ARID1B: variants seen among roughly 807,000 people sequenced by gnomAD.
The protein encoded by ARID1B is AT-rich interactive domain-containing protein 1B.
A neutral mutation model predicts 212.3 loss-of-function variants in ARID1B; 30 were observed. That is an observed-to-expected ratio of 0.14 (90% CI 0.11 to 0.19). The LOEUF (loss-of-function observed/expected upper bound fraction) is 0.19. Among genes scored for constraint, ARID1B ranks in the 10% least tolerant of loss-of-function variants. The pLI is 1.00. For synonymous variants in ARID1B, 1,402 were observed against 1,301.7 expected (o/e 1.08, Z -1.66); for missense variants, 2,891 against 3,204.0 (o/e 0.90, Z 2.36).
intron 3 of ARID1B, among the ~76,000 whole-genome samples, chr6:156,927,698 G>A (rs1336027803): frequency 2.6e-5 from 4 of 152,328 alleles, no homozygotes; most frequent in Middle Eastern, 3.4e-3. Flanking sequence ...TCTTGGATGT[G>A]TGCCCAAGTT....
At chr6:156,977,807 G>C (rs1043372408) in intron 4 of ARID1B, among the ~76,000 whole-genome samples, 10 of 152,060 alleles carry the variant, frequency 6.6e-5, no homozygotes, top group African/African-American at 2.4e-4. Context: ...AAACATCCTT[G>C]AACTTTAGTC....
At chr6:156,797,855 TAGGG>T (rs1171310820) in intron 1 of ARID1B, among the ~76,000 whole-genome samples, 3 of 152,114 alleles carry the variant, frequency 2.0e-5, no homozygotes. Flanking sequence ...CTGGGCGTTC[TAGGG>T]GGCACCAACC....
chr6:157,177,939 G>C (rs1454881903), intron 11 of ARID1B, among the ~76,000 whole-genome samples: 1 of 152,174 alleles, frequency 6.6e-6, no homozygotes, highest in African/African-American at 2.4e-5. Context: ...CTATGAACAA[G>C]GACAGTATGT....
At chr6:157,126,332 A>G (rs1347058643) in intron 6 of ARID1B, among the ~76,000 whole-genome samples, 1 of 152,184 alleles carries the variant, frequency 6.6e-6, no homozygotes, top group African/African-American at 2.4e-5. Context: ...AGCGAATGGG[A>G]GACGCAGCCT....
chr6:156,945,039 C>T (rs1792974874), intron 4 of ARID1B, among the ~76,000 whole-genome samples: 1 of 150,388 alleles, frequency 6.6e-6, no homozygotes, highest in Non-Finnish European at 1.5e-5. Context: ...TCTCCTGCCT[C>T]AGCCTCCCGA....
chr6:157,086,583 T>G (rs1784984232), intron 5 of ARID1B, among the ~76,000 whole-genome samples: 1 of 152,232 alleles, frequency 6.6e-6, no homozygotes, highest in African/African-American at 2.4e-5. Flanking sequence ...TATAATGCTT[T>G]TAAATTTTAA....
Position 156,835,304 on chromosome 6 carries a change from T to A in ARID1B, c.1986+5883T>A, listed in dbSNP as rs868111530. The stretch of plus-strand genomic sequence containing the variant: ...GTAAATTCCTATAATACCTAACTGG[T>A]TTTGTGTACTTTTTATATTGTATTT... On this transcript the variant is annotated intron_variant, in intron 2 of 19. Transcript: ENST00000636930. Among the ~76,000 whole-genome samples the A allele has an allele frequency of 5.9e-5, 9 of 151,488 alleles. No homozygotes were observed. In the South Asian group the frequency reaches 1.9e-3, roughly 32 times the overall value.
intron 9 of ARID1B, among the ~76,000 whole-genome samples, chr6:157,172,023 C>G (rs1374564940): frequency 1.3e-5 from 2 of 152,248 alleles, no homozygotes; most frequent in African/African-American, 4.8e-5. Context: ...GTGCCCATGA[C>G]TTTACCACTT....
chr6:156,854,260 G>T (rs955485982), intron 2 of ARID1B, among the ~76,000 whole-genome samples: 1 of 152,172 alleles, frequency 6.6e-6, no homozygotes, highest in Non-Finnish European at 1.5e-5. Flanking sequence ...TTCTGGCAGG[G>T]GGCACTAAGG....
intron 2 of ARID1B, among the ~76,000 whole-genome samples, chr6:156,892,226 T>A (rs577878178): frequency 2.0e-4 from 30 of 152,134 alleles, no homozygotes; most frequent in South Asian, 8.3e-4. Context: ...TAAAGTAGAA[T>A]TTTGGGTTAA....
At chr6:156,851,981 C>T (rs1244938715) in intron 2 of ARID1B, among the ~76,000 whole-genome samples, 2 of 152,176 alleles carry the variant, frequency 1.3e-5, no homozygotes, top group Admixed American at 1.3e-4. Context: ...GGGATGCTTT[C>T]AGTACAAATA....
chr6:156,837,367 T>C (rs1172707224), intron 2 of ARID1B, among the ~76,000 whole-genome samples: 6 of 152,346 alleles, frequency 3.9e-5, no homozygotes, highest in African/African-American at 1.4e-4. Flanking sequence ...AACAAGTATA[T>C]ATTGAACAAC....
intron 8 of ARID1B, among the ~76,000 whole-genome samples, chr6:157,160,995 GT>G: frequency 6.6e-6 from 1 of 152,310 alleles, no homozygotes. Context: ...CTTTGGTTGT[GT>G]TTGTTTTTAG....
At chr6:156,897,337 G>A (rs1011245085) in intron 2 of ARID1B, among the ~76,000 whole-genome samples, 11 of 150,072 alleles carry the variant, frequency 7.3e-5, no homozygotes, top group Admixed American at 2.0e-4. Flanking sequence ...GCACTGGAGC[G>A]ATCTCAGCTC....
chr6:157,154,364 T>G (rs1385558681), intron 8 of ARID1B, among the ~76,000 whole-genome samples: 1 of 152,168 alleles, frequency 6.6e-6, no homozygotes, highest in East Asian at 1.9e-4. Context: ...AATACTGTGT[T>G]CATAAGAAGA....
rs925851607 is a variant in ARID1B, at chr6:156,919,152, C to G, written c.2137-16314C>G. On this transcript the variant is annotated intron_variant, in intron 3 of 19. Transcript: ENST00000636930. ...ATCAGGGTGAATCTGTAGTTAGTTGCAACTATGTCTGCCTGGGCCTTTGCT... is the reference window on the plus strand; with the variant it reads ...ATCAGGGTGAATCTGTAGTTAGTTGGAACTATGTCTGCCTGGGCCTTTGCT... Among the ~76,000 whole-genome samples, 3 of 152,118 alleles carry G rather than the reference C, an allele frequency of 2.0e-5. No individual in the cohort carries two copies. The South Asian group carries it at 6.2e-4, about 31-fold the overall frequency.
chr6:157,076,158 A>T (rs1156887321), intron 4 of ARID1B, among the ~76,000 whole-genome samples: 4 of 152,244 alleles, frequency 2.6e-5, no homozygotes, highest in Admixed American at 6.5e-5. Flanking sequence ...ATGAAGAACA[A>T]ATACATTTTT....
intron 5 of ARID1B, among the ~76,000 whole-genome samples, chr6:157,110,264 A>T (rs555283726): frequency 6.6e-6 from 1 of 152,322 alleles, no homozygotes; most frequent in South Asian, 2.1e-4. Context: ...ACTTTTCAGC[A>T]AGTGTTTAGC....
At chr6:156,930,094 C>T (rs952571578) in intron 3 of ARID1B, among the ~76,000 whole-genome samples, 1 of 152,098 alleles carries the variant, frequency 6.6e-6, no homozygotes, top group Non-Finnish European at 1.5e-5. Context: ...ATTAACATTT[C>T]AAATGTAGCA....
Sources: gnomAD v4.1 joint callset for allele counts (sites outside exome capture counted in the v4.1 genomes callset) on GRCh38, gnomAD v4.1.1 for gene constraint, MANE v1.5 for transcripts, NCBI Gene and HGNC (gene_info 2026-07-23, HGNC 2026-07-21) for gene names.